Variants in RIPOR2 observed in about 807,000 individuals in gnomAD.
RIPOR2 encodes RHO family interacting cell polarization regulator 2.
In RIPOR2, 39 loss-of-function variants were observed where a neutral mutation model predicts 114.5. The ratio of observed to expected loss-of-function variants is 0.34; its 90% confidence interval spans 0.26 to 0.44. The LOEUF is 0.44. Ranked by LOEUF, RIPOR2 falls within the 20% of genes least tolerant of loss-of-function variation. RIPOR2 has a pLI of 1.00. For synonymous variants in RIPOR2, 445 were observed against 484.4 expected, an observed-to-expected ratio of 0.92 and a Z score of 1.07; for missense variants, 1,007 against 1,255.1, an observed-to-expected ratio of 0.80 and a Z score of 2.99.
intron 1 of RIPOR2, among the ~76,000 whole-genome samples, chr6:24,994,358 C>T (rs1243182239): frequency 6.6e-6 from 1 of 152,174 alleles, no homozygotes; most frequent in Non-Finnish European, 1.5e-5. Flanking sequence ...ATTTGAAGGT[C>T]TGATCACGTT....
At chr6:24,829,044 T>C (rs1442316300) in intron 17 of RIPOR2, among the ~76,000 whole-genome samples, 1 of 151,866 alleles carries the variant, frequency 6.6e-6, no homozygotes, top group African/African-American at 2.4e-5. Flanking sequence ...CCAGACACAG[T>C]GGCTGACACC....
rs562119851 is a variant in RIPOR2 at position 25,012,525 on chromosome 6, T to C, written c.76+29326A>G. ...AACATGATGTGGTTTATCCATACAA[T>C]GGAATATAATTTGTCTATAAAAAGG... On this transcript the variant is annotated intron_variant, in intron 1 of 13. Coordinates refer to the RIPOR2 transcript ENST00000510784. 2.0e-5 allele frequency among the ~76,000 whole-genome samples: 3 copies of C among 152,330 alleles called. No homozygotes were observed. The East Asian group carries it at 5.8e-4, about 29-fold the overall frequency.
intron 1 of RIPOR2, chr6:25,024,399 C>T: frequency 1.7e-6 from 2 of 1,196,856 alleles, no homozygotes; most frequent in East Asian, 2.4e-5. Context: ...GACATCATAG[C>T]CTTGTTCCTT....
intron 1 of RIPOR2, among the ~76,000 whole-genome samples, chr6:24,917,401 A>T (rs535562218): frequency 7.2e-5 from 11 of 152,366 alleles, no homozygotes; most frequent in Admixed American, 2.0e-4. Flanking sequence ...CATTTAATCA[A>T]TATGTATTAT....
rs1225268832 is a variant in RIPOR2 at position 24,848,163 on chromosome 6, C to A, written c.1035-9G>T. The stretch of plus-strand genomic sequence containing the variant: ...CCTCCACGTCAAATGGACTGCAAAA[C>A]AACAGGTCCCCAGGTATGCACATTT... On this transcript the variant is annotated splice_polypyrimidine_tract_variant and intron_variant, in intron 11 of 21. Transcript: ENST00000643898. The A allele has an allele frequency of 3.7e-6, 6 of 1,612,986 alleles. No homozygotes were observed. Among genetic ancestry groups the A allele is most frequent in the Non-Finnish European group, 5.1e-6 (6 of 1,179,458 alleles).
intron 14 of RIPOR2, among the ~76,000 whole-genome samples, chr6:24,837,811 T>TC (rs1308929638): frequency 6.6e-6 from 1 of 152,176 alleles, no homozygotes; most frequent in Admixed American, 6.5e-5. Flanking sequence ...TTTTTTTTTT[T>TC]CCTGGTTTTA....
chr6:24,855,368 CTT>C (rs1412539670), intron 8 of RIPOR2, among the ~76,000 whole-genome samples: 3 of 135,154 alleles, frequency 2.2e-5, no homozygotes, highest in Non-Finnish European at 4.7e-5. Flanking sequence ...TTATATATGA[CTT>C]TATTTTTTTT....
intron 1 of RIPOR2, among the ~76,000 whole-genome samples, chr6:24,987,008 G>A (rs116050858): frequency 1.3e-4 from 20 of 152,294 alleles, no homozygotes; most frequent in South Asian, 4.1e-4. Context: ...ATCCTGGGCC[G>A]TATTGGCCTG....
chr6:25,015,888 G>GTT (rs1258122631), intron 1 of RIPOR2: 1 of 74,044 alleles, frequency 1.4e-5, no homozygotes, highest in Non-Finnish European at 2.7e-5. Context: ...AAAAACGCAG[G>GTT]TTTTTTGGTT....
rs905412294 is a variant in RIPOR2, at chr6:24,858,070, A to G, written c.715+2903T>C. Among the ~76,000 whole-genome samples, 2 of 151,942 alleles carry G rather than the reference A, an allele frequency of 1.3e-5. No individual in the cohort carries two copies. The highest frequency in any genetic ancestry group is 2.1e-4 in the South Asian group (1 of 4,810). ...TTCCTCTTTCCTGCTCCTCTCCCCAACTAGAGAGGTGAGTGGCAACCTTTT... is the reference window on the plus strand; with the variant it reads ...TTCCTCTTTCCTGCTCCTCTCCCCAGCTAGAGAGGTGAGTGGCAACCTTTT... On this transcript the variant is annotated intron_variant, in intron 8 of 21. Transcript: ENST00000643898. The surrounding 1 kb of genome is among the most constrained non-coding windows in gnomAD (Gnocchi z 4.0).
chr6:25,028,954 A>G (rs1202560586), intron 1 of RIPOR2, among the ~76,000 whole-genome samples: 3 of 152,190 alleles, frequency 2.0e-5, no homozygotes, highest in African/African-American at 4.8e-5. Flanking sequence ...ATTGTTCAGT[A>G]CAACTGGAGG....
At chr6:24,982,651 T>C (rs1774346172) in intron 1 of RIPOR2, among the ~76,000 whole-genome samples, 1 of 152,222 alleles carries the variant, frequency 6.6e-6, no homozygotes, top group Non-Finnish European at 1.5e-5. Context: ...TGCCTATGCT[T>C]CTCTACATAT....
At chr6:24,891,781 G>C (rs147675108) in intron 1 of RIPOR2, among the ~76,000 whole-genome samples, 1 of 152,194 alleles carries the variant, frequency 6.6e-6, no homozygotes, top group African/African-American at 2.4e-5. Context: ...AGGTTAGTAA[G>C]TTAGCTTCCA....
intron 1 of RIPOR2, among the ~76,000 whole-genome samples, chr6:24,912,053 C>T (rs183430111): frequency 6.6e-6 from 1 of 152,182 alleles, no homozygotes; most frequent in Admixed American, 6.5e-5. Context: ...ACTGCATCCT[C>T]GGGCTGGAAT....
At chr6:24,954,461 T>TTTTTTC (rs1772937768) in intron 1 of RIPOR2, among the ~76,000 whole-genome samples, 1 of 141,472 alleles carries the variant, frequency 7.1e-6, no homozygotes, top group Non-Finnish European at 1.6e-5. Flanking sequence ...CTCTCCTTTT[T>TTTTTTC]TTTTTTTTTT....
chr6:24,934,655 C>T (rs990929537), intron 1 of RIPOR2, among the ~76,000 whole-genome samples: 2 of 152,130 alleles, frequency 1.3e-5, no homozygotes, highest in South Asian at 2.1e-4. Context: ...TAAAAAATTG[C>T]TAGACGTAGT....
chr6:24,844,761 G>A (rs532752885), intron 12 of RIPOR2, among the ~76,000 whole-genome samples: 1 of 152,154 alleles, frequency 6.6e-6, no homozygotes, highest in Non-Finnish European at 1.5e-5. Flanking sequence ...ACAGGCGTGA[G>A]CCACCGCGCC....
chr6:24,840,854 G>T, intron 13 of RIPOR2: 2 of 1,358,576 alleles, frequency 1.5e-6, no homozygotes, highest in Non-Finnish European at 2.0e-6. Context: ...AAAGCCATTT[G>T]CCCCAGACCT....
At chr6:24,875,591 G>A (rs532195046) in intron 2 of RIPOR2, 100 bp downstream of exon 2, 10 of 1,105,352 alleles carry the variant, frequency 9.0e-6, no homozygotes, top group African/African-American at 6.4e-5. Context: ...GAGGCCGGGG[G>A]GCGGTTTGAC....
Sources: gnomAD v4.1 joint callset for allele counts (sites outside exome capture counted in the v4.1 genomes callset) on GRCh38, gnomAD v4.1.1 for gene constraint, Gnocchi (gnomAD v3.1) non-coding constraint, MANE v1.5 for transcripts, NCBI Gene and HGNC (gene_info 2026-07-23, HGNC 2026-07-21) for gene names.